Variants in TENT2 observed in about 807,000 individuals in gnomAD.
TENT2 encodes terminal nucleotidyltransferase 2.
In TENT2, 44 loss-of-function variants were observed where a neutral mutation model predicts 72.2. The ratio of observed to expected loss-of-function variants is 0.61; its 90% CI spans 0.48 to 0.78. The LOEUF (loss-of-function observed/expected upper bound fraction) is 0.78, where lower values mean the gene tolerates loss of function less well. Ranked by LOEUF, TENT2 falls within the 30% of genes least tolerant of loss-of-function variation. The pLI, the probability that TENT2 is intolerant of heterozygous loss-of-function variation, is 0.00. For synonymous variants in TENT2, 212 were observed against 192.5 expected, an observed-to-expected ratio of 1.10 and a Z score of -0.84; for missense variants, 541 against 569.6, an observed-to-expected ratio of 0.95 and a Z score of 0.51.
At chr5:79,643,089 A>G (rs943262800) in intron 7 of TENT2, 179 bp downstream of exon 7, 13 of 616,970 alleles carry the variant, frequency 2.1e-5, no homozygotes, top group African/African-American at 1.0e-4. Context: ...CATTTATTCA[A>G]CATATCTTTA....
chr5:79,675,029 C>T lies in TENT2; in HGVS notation c.1209-4550C>T, dbSNP rs182097557. ...AAGCATAGCATTATTGGTGTGGACT[C>T]GAGAAGACAGAGGGAGAATAATTCA... On this transcript the variant is annotated intron_variant, in intron 12 of 14. Transcript: ENST00000453514. 5.9e-5 allele frequency among the ~76,000 whole-genome samples: 9 copies of T among 151,858 alleles called. No individual in the cohort carries two copies. The East Asian group carries it at 1.7e-3, about 29-fold the overall frequency.
At chr5:79,684,366 C>G (rs991628731) in intron 14 of TENT2, among the ~76,000 whole-genome samples, 10 of 152,212 alleles carry the variant, frequency 6.6e-5, no homozygotes, top group Non-Finnish European at 1.3e-4. Flanking sequence ...CAATGATCCT[C>G]CCACCTCAGC....
intron 3 of TENT2, among the ~76,000 whole-genome samples, chr5:79,621,184 T>C (rs918799570): frequency 4.6e-5 from 7 of 152,122 alleles, no homozygotes; most frequent in Non-Finnish European, 7.3e-5. Flanking sequence ...CAACTAACGG[T>C]TTGATTAAAT....
At chr5:79,641,750 A>G (rs1784662660) in intron 6 of TENT2, among the ~76,000 whole-genome samples, 1 of 150,840 alleles carries the variant, frequency 6.6e-6, no homozygotes, top group South Asian at 2.1e-4. Context: ...GTGTTAATTT[A>G]GTACAGGTTG....
intron 12 of TENT2, among the ~76,000 whole-genome samples, chr5:79,679,345 A>G (rs568071977): frequency 1.3e-5 from 2 of 152,272 alleles, no homozygotes; most frequent in African/African-American, 2.4e-5. Context: ...AGGGAGACAC[A>G]ATGAAGAATA....
intron 11 of TENT2, among the ~76,000 whole-genome samples, chr5:79,661,185 A>C (rs1188666179): frequency 1.3e-5 from 2 of 152,168 alleles, no homozygotes; most frequent in African/African-American, 2.4e-5. Flanking sequence ...TTTAAAATAA[A>C]CTTAAGGTAG....
At position 79,645,198 on chromosome 5, in the gene TENT2, T is replaced by C. The variant is rs779535238; in HGVS notation, c.821+6T>C. 1.7e-5 allele frequency: 27 copies of C among 1,600,598 alleles called. No individual in the cohort carries two copies. The highest frequency in any genetic ancestry group is 2.3e-5 in the Non-Finnish European group (27 of 1,174,384). On this transcript the variant is annotated splice_donor_region_variant and intron_variant, in intron 8 of 14. Coordinates refer to ENST00000453514, the MANE Select transcript of TENT2 (RefSeq NM_001114394.3). The stretch of plus-strand genomic sequence containing the variant: ...AAGTTCAGGGATAAAGTCAGGTAAA[T>C]AATTAATGAGCTTTCTTTTTTTAGT...
intron 12 of TENT2, among the ~76,000 whole-genome samples, chr5:79,673,600 G>A (rs751128905): frequency 2.8e-4 from 43 of 152,250 alleles, no homozygotes; most frequent in Non-Finnish European, 4.1e-4. Flanking sequence ...TGAGTTCACT[G>A]TAGATGTATG....
rs1483739159 is a variant in TENT2, at chr5:79,642,876, C to CA, written c.718dup (p.Thr240AsnfsTer5). The CA allele has an allele frequency of 6.2e-7, 1 of 1,611,898 alleles. No individual in the cohort carries two copies. Reference sequence around the variant, plus strand: ...AGAAGACTGAAGCACGGCATATACTCACCTTAGTCCATAAACACTTCTGTA... The same window carrying CA: ...AGAAGACTGAAGCACGGCATATACTCAACCTTAGTCCATAAACACTTCTGTA... On this transcript the variant is annotated frameshift_variant, in exon 7 of 15. Coordinates refer to ENST00000453514, the MANE Select transcript of TENT2 (RefSeq NM_001114394.3). LOFTEE classifies it high-confidence loss of function.
intron 13 of TENT2, among the ~76,000 whole-genome samples, 195 bp downstream of exon 13, chr5:79,679,865 A>T (rs1209333991): frequency 6.6e-6 from 1 of 152,148 alleles, no homozygotes; most frequent in Non-Finnish European, 1.5e-5. Context: ...AACTTTAGGC[A>T]TTCACCCTTT....
intron 12 of TENT2, among the ~76,000 whole-genome samples, chr5:79,670,958 GAC>G (rs1420668139): frequency 1.3e-5 from 2 of 151,448 alleles, no homozygotes; most frequent in African/African-American, 4.9e-5. Flanking sequence ...AGACTGTATT[GAC>G]ATTGTTTATT....
In TENT2 at chr5:79,686,903, T is replaced by C. The variant is rs1440433784; in HGVS notation, c.*1630T>C. On this transcript the variant is annotated 3_prime_UTR_variant, in exon 15 of 15. Coordinates refer to ENST00000453514, the MANE Select transcript of TENT2 (RefSeq NM_001114394.3). ...AAAATTTACACTGTGCATCTCTTAA[T>C]CAGAATGTACTGAGTAGAGTTAATA... 6.6e-6 allele frequency among the ~76,000 whole-genome samples: 1 copy of C among 152,192 alleles called. No individual in the cohort carries two copies. The highest frequency in any genetic ancestry group is 2.4e-5 in the African/African-American group (1 of 41,448).
At chr5:79,650,839 CT>C (rs1678335530) in intron 10 of TENT2, among the ~76,000 whole-genome samples, 2 of 151,980 alleles carry the variant, frequency 1.3e-5, no homozygotes, top group African/African-American at 4.8e-5. Flanking sequence ...TAGTGAGTCA[CT>C]TTTACTAGTA....
rs747062442 is a variant in TENT2, at chr5:79,623,406, G to C, written c.382G>C (p.Asp128His). The C allele has an allele frequency of 6.2e-7, 1 of 1,613,186 alleles. No individual in the cohort carries two copies. Among genetic ancestry groups the C allele is most frequent in the South Asian group, 1.1e-5 (1 of 90,978 alleles). Reference sequence around the variant, plus strand: ...ATTGTTTCATACACATTATGTACCAGATATAGTCAGATGTGTTCCACCTTT... The same window carrying C: ...ATTGTTTCATACACATTATGTACCACATATAGTCAGATGTGTTCCACCTTT... Reference protein sequence around the residue: ...PPLFHTHYVPDIVRCVPPFRE... With the variant: ...PPLFHTHYVPHIVRCVPPFRE... The change falls in exon 4 of 15, where the codon GAT becomes CAT. Residue 128 changes from aspartate to histidine, a missense_variant. By Grantham distance (81) the Asp-to-His change is moderately conservative. Transcript: ENST00000453514.
At chr5:79,666,854 G>C (rs1282761617) in intron 11 of TENT2, among the ~76,000 whole-genome samples, 1 of 152,136 alleles carries the variant, frequency 6.6e-6, no homozygotes, top group Non-Finnish European at 1.5e-5. Context: ...TTACAAGCTT[G>C]AGCCACCATG....
At position 79,656,948 on chromosome 5, in the gene TENT2, CT is replaced by C; in HGVS notation, c.1028-5del. ...GAATCACGGAAGCTTTAAACTTTTT[CT>C]TTTTATAGCCCTACCTGAACCCATC... On this transcript the variant is annotated splice_polypyrimidine_tract_variant and intron_variant, in intron 10 of 14. Coordinates refer to ENST00000453514, the MANE Select transcript of TENT2 (RefSeq NM_001114394.3). 1 of 1,595,068 alleles carries C rather than the reference CT, an allele frequency of 6.3e-7. No homozygotes were observed. The highest frequency in any genetic ancestry group is 8.5e-7 in the Non-Finnish European group (1 of 1,169,958).
chr5:79,669,727 GGTAATAATAATA>G (rs1561573820), intron 12 of TENT2, among the ~76,000 whole-genome samples: 1 of 151,408 alleles, frequency 6.6e-6, no homozygotes, highest in Non-Finnish European at 1.5e-5. Context: ...GTTTGCATAG[GGTAATAATAATA>G]GTAATAATAA....
chr5:79,643,408 G>A (rs893826894), intron 7 of TENT2, among the ~76,000 whole-genome samples: 1 of 152,058 alleles, frequency 6.6e-6, no homozygotes, highest in Non-Finnish European at 1.5e-5. Flanking sequence ...TTTATTTTAC[G>A]ATTTTACTTT....
intron 8 of TENT2, among the ~76,000 whole-genome samples, chr5:79,645,897 C>T (rs1405451685): frequency 1.3e-5 from 2 of 152,120 alleles, no homozygotes; most frequent in South Asian, 2.1e-4. Context: ...TGTGTTTTCA[C>T]GAATTTGCCT....
Sources: gnomAD v4.1 joint callset for allele counts (sites outside exome capture counted in the v4.1 genomes callset) on GRCh38, gnomAD v4.1.1 for gene constraint, MANE v1.5 for transcripts, NCBI Gene and HGNC (gene_info 2026-07-23, HGNC 2026-07-21) for gene names.